Variants in NALF1 observed in about 807,000 individuals in gnomAD.
NALF1 encodes family with sequence similarity 155 member A.
Under a neutral mutation model 48.4 loss-of-function variants are expected in NALF1, and 3 were observed. That is an observed-to-expected ratio of 0.06 (90% confidence interval 0.03 to 0.16). The LOEUF (loss-of-function observed/expected upper bound fraction) is 0.16. Ranked by LOEUF, NALF1 falls within the 10% of genes least tolerant of loss-of-function variation. The pLI is 1.00. For missense variants in NALF1, 526 were observed against 571.5 expected (o/e 0.92, Z 0.81); for synonymous variants, 262 against 245.7 (o/e 1.07, Z -0.62).
At chr13:107,530,754 G>C (rs1010848285) in intron 1 of NALF1, among the ~76,000 whole-genome samples, 2 of 152,066 alleles carry the variant, frequency 1.3e-5, no homozygotes, top group Non-Finnish European at 2.9e-5. Flanking sequence ...GCTGAAATCT[G>C]TCCAGAGCTG....
At chr13:107,451,326 A>G (rs1403417481) in intron 1 of NALF1, among the ~76,000 whole-genome samples, 2 of 152,142 alleles carry the variant, frequency 1.3e-5, no homozygotes, top group African/African-American at 2.4e-5. Flanking sequence ...GGTTTTCCTG[A>G]TTCCCCCTCC....
intron 1 of NALF1, among the ~76,000 whole-genome samples, chr13:107,776,568 T>C (rs1877735295): frequency 6.6e-6 from 1 of 152,204 alleles, no homozygotes; most frequent in African/African-American, 2.4e-5. Context: ...CACTTATTAA[T>C]TCATCTATTA....
At chr13:107,369,378 G>C (rs752875408) in intron 1 of NALF1, among the ~76,000 whole-genome samples, 3 of 152,152 alleles carry the variant, frequency 2.0e-5, no homozygotes, top group Non-Finnish European at 4.4e-5. Flanking sequence ...CCTATGTCAA[G>C]TGGTAAAAAC....
chr13:107,690,517 T>C (rs1020076040), intron 1 of NALF1, among the ~76,000 whole-genome samples: 1 of 152,210 alleles, frequency 6.6e-6, no homozygotes, highest in African/African-American at 2.4e-5. Context: ...GATTTACAGC[T>C]ACTTTGTTTA....
At chr13:107,180,800 G>T (rs1014765120) in intron 2 of NALF1, among the ~76,000 whole-genome samples, 4 of 151,728 alleles carry the variant, frequency 2.6e-5, no homozygotes, top group African/African-American at 9.7e-5. Flanking sequence ...GATAGTTTTA[G>T]AAAGAGCAAT....
At position 107,355,339 on chromosome 13, in the gene NALF1, T is replaced by C. The variant is rs76483419; in HGVS notation, c.916-144584A>G. Among the ~76,000 whole-genome samples, 48 of 152,300 alleles carry C rather than the reference T, an allele frequency of 3.2e-4. 2 individuals carry two copies. In the East Asian group the frequency reaches 9.3e-3, roughly 29 times the overall value. ...AAGTTACAAGGTGTTCTGTGGAACA[T>C]TATGCATGAGACTTGGTCTCTAACT... is the stretch of plus-strand genomic sequence containing the variant. On this transcript the variant is annotated intron_variant, in intron 1 of 2. Transcript: ENST00000375915.
Position 107,739,473 on chromosome 13 carries a change from G to C in NALF1, c.915+126209C>G, listed in dbSNP as rs143118118. On this transcript the variant is annotated intron_variant, in intron 1 of 2. Coordinates refer to ENST00000375915, the MANE Select transcript of NALF1 (RefSeq NM_001080396.3). ...TATATACATGTGTATATAAAATCTG[G>C]CTGCGGAGTTTTTGATCTATACATT... 5.6e-3 allele frequency among the ~76,000 whole-genome samples: 826 copies of C among 148,790 alleles called. 9 individuals are homozygous for C. The highest frequency in any genetic ancestry group is 0.019 in the African/African-American group (780 of 40,548).
In NALF1 at chr13:107,465,815, T is replaced by C. The variant is rs1012023959; in HGVS notation, c.916-255060A>G. On this transcript the variant is annotated intron_variant, in intron 1 of 2. Transcript: ENST00000375915. ...GATTTTGCATCTGGTGAAAGCCTGT[T>C]CCTCATAGATGGCCCCTTTTAGCTG... Among the ~76,000 whole-genome samples the C allele has an allele frequency of 2.0e-5, 3 of 152,348 alleles. 1 individual carries two copies. The South Asian group carries it at 6.2e-4, about 32-fold the overall frequency.
chr13:107,667,279 C>A (rs1391898671), intron 1 of NALF1, among the ~76,000 whole-genome samples: 1 of 151,900 alleles, frequency 6.6e-6, no homozygotes, highest in Non-Finnish European at 1.5e-5. Flanking sequence ...CATAAACACA[C>A]TAAAAATTAA....
At chr13:107,225,288 A>C (rs2031389) in intron 1 of NALF1, among the ~76,000 whole-genome samples, 74,193 of 151,980 alleles carry the variant, frequency 0.49, 18,395 homozygotes, top group Middle Eastern at 0.62. Context: ...GGATTACAGG[A>C]GTGAGCTACT....
chr13:107,805,016 T>C (rs1239868227), intron 1 of NALF1, among the ~76,000 whole-genome samples: 2 of 152,142 alleles, frequency 1.3e-5, no homozygotes, highest in African/African-American at 2.4e-5. Context: ...TTAAATACCA[T>C]AAATATAGCA....
At chr13:107,675,844 G>C (rs922885004) in intron 1 of NALF1, among the ~76,000 whole-genome samples, 1 of 152,186 alleles carries the variant, frequency 6.6e-6, no homozygotes, top group Non-Finnish European at 1.5e-5. Flanking sequence ...CATACATGGG[G>C]ATCTAAAAAA....
At chr13:107,261,774 C>G (rs997260376) in intron 1 of NALF1, among the ~76,000 whole-genome samples, 2 of 152,138 alleles carry the variant, frequency 1.3e-5, no homozygotes, top group African/African-American at 4.8e-5. Context: ...AGAGATGAAC[C>G]TGCCTCTAGA....
rs534998536 is a variant in NALF1, at chr13:107,478,289, A to G, written c.916-267534T>C. Among the ~76,000 whole-genome samples the G allele has an allele frequency of 2.9e-4, 44 of 152,310 alleles. 1 individual carries two copies. The South Asian group carries it at 3.5e-3, about 12-fold the overall frequency. ...TGCAAAACTCAAAATACTTGTTGAAATGAATGTTGAGATTCCTAAATGTAA... is the reference window on the plus strand; with the variant it reads ...TGCAAAACTCAAAATACTTGTTGAAGTGAATGTTGAGATTCCTAAATGTAA... On this transcript the variant is annotated intron_variant, in intron 1 of 2. Transcript: ENST00000375915.
intron 1 of NALF1, among the ~76,000 whole-genome samples, chr13:107,245,730 C>T (rs1378898242): frequency 1.3e-5 from 2 of 152,092 alleles, no homozygotes; most frequent in Non-Finnish European, 2.9e-5. Context: ...AACTTTCTTT[C>T]AAAAATATTA....
rs186317217 is a variant in NALF1 at position 107,717,602 on chromosome 13, T to A, written c.915+148080A>T. ...TGCTCAGGGAACTGCAGTTCTATAA[T>A]CAAGAGGTGAAAAAAAAAAAGATGC... On this transcript the variant is annotated intron_variant, in intron 1 of 2. Coordinates refer to ENST00000375915, the MANE Select transcript of NALF1 (RefSeq NM_001080396.3). Among the ~76,000 whole-genome samples the A allele has an allele frequency of 1.4e-4, 19 of 139,736 alleles. 1 individual carries two copies. The East Asian group carries it at 3.6e-3, about 26-fold the overall frequency. The allele number at this position is 139,736 out of a possible 152,430, so 91.7% of individuals were successfully genotyped here. A position where few individuals can be genotyped will look rare whatever the true frequency, so the allele number is the denominator to read the frequency against.
At chr13:107,740,295 G>GAATA (rs1876594397) in intron 1 of NALF1, among the ~76,000 whole-genome samples, 1 of 152,088 alleles carries the variant, frequency 6.6e-6, no homozygotes, top group South Asian at 2.1e-4. Context: ...AATGCAGAAT[G>GAATA]GGGCCACCTT....
At chr13:107,378,645 G>C (rs901154300) in intron 1 of NALF1, among the ~76,000 whole-genome samples, 6 of 152,054 alleles carry the variant, frequency 3.9e-5, no homozygotes, top group Admixed American at 1.3e-4. Context: ...AAAACATTTA[G>C]CTGAGTATTT....
chr13:107,413,823 G>A (rs188760837), intron 1 of NALF1, among the ~76,000 whole-genome samples: 5 of 152,230 alleles, frequency 3.3e-5, no homozygotes, highest in Admixed American at 2.6e-4. Context: ...GTCTCTCTCT[G>A]TTGCCCAGGC....
Sources: allele counts gnomAD v4.1 joint callset (sites outside exome capture counted in the v4.1 genomes callset), GRCh38; gene constraint gnomAD v4.1.1; transcripts MANE v1.5; gene names NCBI Gene and HGNC (gene_info 2026-07-23, HGNC 2026-07-21).